VRTN: variants seen among roughly 807,000 people sequenced by gnomAD.
VRTN encodes vertebrae development associated, also known as vertnin.
In VRTN, 5 loss-of-function variants were observed where a neutral mutation model predicts 18.2. The observed-to-expected ratio is 0.27, with a 90% confidence interval of 0.14 to 0.58. The LOEUF (loss-of-function observed/expected upper bound fraction) is 0.58, where lower values mean the gene tolerates loss of function less well. Ranked by LOEUF, VRTN falls within the 20% of genes least tolerant of loss-of-function variation. The pLI is 0.91. For synonymous variants in VRTN, 381 were observed against 393.7 expected, an observed-to-expected ratio of 0.97 and a Z score of 0.38; for missense variants, 741 against 939.4, an observed-to-expected ratio of 0.79 and a Z score of 2.76.
chr14:74,340,226 C>T (rs1301114623), intron 2 of VRTN, among the ~76,000 whole-genome samples: 1 of 151,648 alleles, frequency 6.6e-6, no homozygotes, highest in Non-Finnish European at 1.5e-5. Context: ...GATTCTCCTA[C>T]TTCAGCCTCC....
chr14:74,336,184 G>T (rs1479696291), intron 1 of VRTN, among the ~76,000 whole-genome samples: 1 of 151,748 alleles, frequency 6.6e-6, no homozygotes, highest in African/African-American at 2.4e-5. Context: ...GAGGCAGGCA[G>T]ATCACCTGAG....
chr14:74,304,479 A>G (rs555579448), intron 1 of VRTN, among the ~76,000 whole-genome samples: 31 of 152,258 alleles, frequency 2.0e-4, no homozygotes, highest in African/African-American at 6.7e-4. Context: ...ATGAAGTGCT[A>G]TGACAAACAT....
chr14:74,314,419 T>C (rs1184312712), intron 1 of VRTN, among the ~76,000 whole-genome samples: 1 of 123,788 alleles, frequency 8.1e-6, no homozygotes, highest in Non-Finnish European at 1.6e-5. Context: ...TTTTTTGAGA[T>C]GAAGTCTCAC....
chr14:74,315,347 G>A (rs2085413674), intron 1 of VRTN, among the ~76,000 whole-genome samples: 2 of 152,056 alleles, frequency 1.3e-5, no homozygotes, highest in African/African-American at 4.8e-5. Context: ...CTGAGTAGTT[G>A]GTATAACAAG....
chr14:74,347,610 C>T (rs2085651941), upstream of VRTN, among the ~76,000 whole-genome samples: 3 of 152,210 alleles, frequency 2.0e-5, no homozygotes, highest in African/African-American at 7.2e-5. Context: ...AGGGTTAAAG[C>T]CAGGCTGGAA....
chr14:74,359,004 TCTACC>T lies in VRTN; in HGVS notation c.*116_*120del. 1 of 1,458,294 alleles carries T rather than the reference TCTACC, an allele frequency of 6.9e-7. No homozygotes were observed. The highest frequency in any genetic ancestry group is 9.1e-7 in the Non-Finnish European group (1 of 1,102,798). The allele number at this position is 1,458,294 out of a possible 1,614,324, so 90.3% of individuals were successfully genotyped here. A position where few individuals can be genotyped will look rare whatever the true frequency, so the allele number is the denominator to read the frequency against. Reference sequence around the variant, plus strand: ...GTCCTTTGCTCTGGGTCCCACAGTGTCTACCCTAAGTCCAAGGGTATATTTGTGTT... The same window carrying T: ...GTCCTTTGCTCTGGGTCCCACAGTGTCTAAGTCCAAGGGTATATTTGTGTT... On this transcript the variant is annotated 3_prime_UTR_variant, in exon 2 of 2. Coordinates refer to ENST00000256362, the MANE Select transcript of VRTN (RefSeq NM_018228.3).
rs543592719 is a variant in VRTN, at chr14:74,351,592, C to T, written c.-2+2940C>T. 4.7e-5 allele frequency among the ~76,000 whole-genome samples: 7 copies of T among 149,682 alleles called. No individual in the cohort carries two copies. In the South Asian group the frequency reaches 1.5e-3, roughly 32 times the overall value. On this transcript the variant is annotated intron_variant, in intron 1 of 1. Transcript: ENST00000256362. Reference sequence around the variant, plus strand: ...CTCAGTCCCCTGAGGCTCAGGTTATCCACCTCAGCCTCCTGAGTAGCTGGG... The same window carrying T: ...CTCAGTCCCCTGAGGCTCAGGTTATTCACCTCAGCCTCCTGAGTAGCTGGG...
chr14:74,352,618 A>G (rs1415822064), intron 1 of VRTN, among the ~76,000 whole-genome samples: 1 of 151,774 alleles, frequency 6.6e-6, no homozygotes, highest in Non-Finnish European at 1.5e-5. Context: ...TGGCGTGATC[A>G]TAGCTCACTG....
intron 1 of VRTN, among the ~76,000 whole-genome samples, chr14:74,311,772 CTTT>C (rs34712936): frequency 6.9e-6 from 1 of 144,316 alleles, no homozygotes; most frequent in Non-Finnish European, 1.5e-5. Flanking sequence ...CATATACAGA[CTTT>C]TTTTTTTTTT....
chr14:74,328,737 C>T (rs997554994), intron 1 of VRTN, among the ~76,000 whole-genome samples: 7 of 152,230 alleles, frequency 4.6e-5, no homozygotes, highest in African/African-American at 1.7e-4. Context: ...CTGGCTCATG[C>T]TTGTAATCCC....
At chr14:74,356,702 A>G in intron 1 of VRTN, 81 bp from the exon 2 acceptor site, 1 of 1,482,006 alleles carries the variant, frequency 6.7e-7, no homozygotes, top group Non-Finnish European at 9.0e-7. Flanking sequence ...GAGAAAGTGC[A>G]GGAGTGGACA....
chr14:74,354,700 G>A (rs2085712372), intron 1 of VRTN, among the ~76,000 whole-genome samples: 1 of 151,154 alleles, frequency 6.6e-6, no homozygotes, highest in Non-Finnish European at 1.5e-5. Context: ...ACCACACCCA[G>A]CCCCATGGGT....
chr14:74,353,984 G>A (rs1020101544), intron 1 of VRTN, among the ~76,000 whole-genome samples: 1 of 152,140 alleles, frequency 6.6e-6, no homozygotes, highest in Admixed American at 6.6e-5. Context: ...ATGTTAGCCA[G>A]GCTGGTCTTG....
chr14:74,325,670 T>G (rs2085483551), intron 1 of VRTN, among the ~76,000 whole-genome samples: 1 of 152,024 alleles, frequency 6.6e-6, no homozygotes, highest in South Asian at 2.1e-4. Context: ...CTCGGGAGGC[T>G]GAGGCAGGAA....
chr14:74,320,249 C>CTTTTTT lies in VRTN; in HGVS notation c.-164+17097_-164+17102dup, dbSNP rs71115982. Among the ~76,000 whole-genome samples, 9 of 72,690 alleles carry CTTTTTT rather than the reference C, an allele frequency of 1.2e-4. 1 individual carries two copies. Among genetic ancestry groups the CTTTTTT allele is most frequent in the African/African-American group, 3.1e-4 (5 of 15,908 alleles). 47.7% of individuals were successfully genotyped at this position (72,690 alleles called of 152,430 possible). A position where few individuals can be genotyped will look rare whatever the true frequency, so the allele number is the denominator to read the frequency against. On this transcript the variant is annotated intron_variant, in intron 1 of 2. Coordinates refer to the VRTN transcript ENST00000557177. ...TGGGTGACAGAGCAAGATCCCATCC[C>CTTTTTT]TTTTTTTTTTTTTTTTTTTTTTTTT...
intron 1 of VRTN, among the ~76,000 whole-genome samples, chr14:74,314,464 T>A (rs1003441243): frequency 1.3e-4 from 19 of 141,232 alleles, no homozygotes; most frequent in African/African-American, 4.9e-4. Flanking sequence ...TGGCACAATC[T>A]CGGCTCACTG....
intron 2 of VRTN, among the ~76,000 whole-genome samples, chr14:74,340,393 T>G (rs1378340117): frequency 2.0e-5 from 3 of 151,980 alleles, no homozygotes; most frequent in African/African-American, 7.2e-5. Context: ...ATTACAGGCG[T>G]GAGCCACCGC....
intron 1 of VRTN, among the ~76,000 whole-genome samples, chr14:74,324,089 A>G (rs1431329280): frequency 6.6e-6 from 1 of 152,124 alleles, no homozygotes; most frequent in Non-Finnish European, 1.5e-5. Flanking sequence ...GTAAGTGCCC[A>G]GTAAATAAGC....
At chr14:74,311,020 A>G (rs1031105926) in intron 1 of VRTN, among the ~76,000 whole-genome samples, 2 of 152,130 alleles carry the variant, frequency 1.3e-5, no homozygotes, top group African/African-American at 4.8e-5. Flanking sequence ...AAATGAGGGT[A>G]ATAATAGTTT....
Sources: allele counts gnomAD v4.1 joint callset (sites outside exome capture counted in the v4.1 genomes callset), GRCh38; gene constraint gnomAD v4.1.1; transcripts MANE v1.5; gene names NCBI Gene and HGNC (gene_info 2026-07-23, HGNC 2026-07-21).